Variants in SDK1 observed in about 807,000 individuals in gnomAD.
The protein encoded by SDK1 is sidekick cell adhesion molecule 1, also known as protein sidekick-1.
A neutral mutation model predicts 245.5 loss-of-function variants in SDK1; 157 were observed. The observed-to-expected ratio is 0.64, with a 90% confidence interval of 0.56 to 0.73. The LOEUF is 0.73. Among genes scored for constraint, SDK1 ranks in the 30% least tolerant of loss-of-function variants. SDK1 has a pLI of 0.00. For missense variants in SDK1, 3,583 were observed against 3,002.3 expected, an observed-to-expected ratio of 1.19 and a Z score of -4.52; for synonymous variants, 1,647 against 1,278.5, an observed-to-expected ratio of 1.29 and a Z score of -6.15.
At chr7:3,438,518 G>A (rs916579692) in intron 1 of SDK1, among the ~76,000 whole-genome samples, 10 of 152,176 alleles carry the variant, frequency 6.6e-5, no homozygotes, top group African/African-American at 1.9e-4. Flanking sequence ...GACACTGCCA[G>A]TCTCATGAAG....
At chr7:3,764,232 T>C (rs948130823) in intron 4 of SDK1, among the ~76,000 whole-genome samples, 3 of 152,256 alleles carry the variant, frequency 2.0e-5, no homozygotes, top group African/African-American at 7.2e-5. Flanking sequence ...TCCTAGGTTC[T>C]GTATTTAAGG....
chr7:3,622,998 CAT>C (rs1215383141), intron 2 of SDK1, among the ~76,000 whole-genome samples: 1 of 151,814 alleles, frequency 6.6e-6, no homozygotes. Flanking sequence ...GTTCATTTAT[CAT>C]ATGTTAGCCT....
intron 4 of SDK1, among the ~76,000 whole-genome samples, chr7:3,697,725 A>G (rs1397131357): frequency 2.0e-5 from 3 of 152,126 alleles, no homozygotes; most frequent in Non-Finnish European, 4.4e-5. Flanking sequence ...CTCCTACAGT[A>G]GGTTTTGCTG....
chr7:4,246,703 T>G (rs1047974314), intron 44 of SDK1, among the ~76,000 whole-genome samples: 3 of 152,074 alleles, frequency 2.0e-5, no homozygotes, highest in African/African-American at 7.2e-5. Context: ...GAATCCAGAC[T>G]TGGGATGTGT....
At chr7:4,158,062 A>G (rs184386880) in intron 30 of SDK1, among the ~76,000 whole-genome samples, 80 of 152,284 alleles carry the variant, frequency 5.3e-4, no homozygotes, top group African/African-American at 1.9e-3. Context: ...TGTGCCGACT[A>G]GAGTGCAGGG....
chr7:4,111,430 A>G (rs1783337162), intron 23 of SDK1, among the ~76,000 whole-genome samples: 1 of 152,216 alleles, frequency 6.6e-6, no homozygotes, highest in Non-Finnish European at 1.5e-5. Flanking sequence ...ATACGATTGG[A>G]GAATGAAAGA....
intron 1 of SDK1, among the ~76,000 whole-genome samples, chr7:3,435,877 G>T (rs374285262): frequency 2.0e-5 from 3 of 152,150 alleles, no homozygotes; most frequent in East Asian, 3.8e-4. Flanking sequence ...AACCTCTCCA[G>T]TGATCATTTG....
chr7:3,654,723 C>T (rs1783109992), intron 4 of SDK1, among the ~76,000 whole-genome samples: 2 of 152,168 alleles, frequency 1.3e-5, no homozygotes, highest in Admixed American at 1.3e-4. Flanking sequence ...AGCCCAAGAG[C>T]ATGGGGGATG....
At chr7:4,085,384 T>G (rs1487367682) in intron 22 of SDK1, among the ~76,000 whole-genome samples, 1 of 152,174 alleles carries the variant, frequency 6.6e-6, no homozygotes, top group Non-Finnish European at 1.5e-5. Context: ...TATAATATAT[T>G]TAGTTTATAC....
chr7:4,080,185 G>A (rs1428201305), intron 22 of SDK1, among the ~76,000 whole-genome samples: 1 of 152,132 alleles, frequency 6.6e-6, no homozygotes, highest in South Asian at 2.1e-4. Flanking sequence ...GGCAGGGAGT[G>A]AGTCTGGGGA....
At chr7:3,955,567 C>G (rs1781195336) in intron 7 of SDK1, among the ~76,000 whole-genome samples, 1 of 152,206 alleles carries the variant, frequency 6.6e-6, no homozygotes, top group South Asian at 2.1e-4. Context: ...CCTCGGTGGA[C>G]TAGCGTGCAG....
chr7:3,514,412 T>C (rs1479042861), intron 1 of SDK1, among the ~76,000 whole-genome samples: 1 of 152,220 alleles, frequency 6.6e-6, no homozygotes, highest in Admixed American at 6.5e-5. Context: ...ATTACTGTTT[T>C]TGATAGAAAA....
At chr7:3,989,936 G>A (rs968925152) in intron 14 of SDK1, among the ~76,000 whole-genome samples, 1 of 152,216 alleles carries the variant, frequency 6.6e-6, no homozygotes, top group African/African-American at 2.4e-5. Flanking sequence ...GGGTCACATG[G>A]CGATGGGAGG....
chr7:3,470,876 T>C (rs934046647), intron 1 of SDK1, among the ~76,000 whole-genome samples: 1 of 152,218 alleles, frequency 6.6e-6, no homozygotes, highest in Non-Finnish European at 1.5e-5. Flanking sequence ...CCTTGTATTA[T>C]GTGCTTAAGG....
At chr7:3,579,639 A>T (rs1180504546) in intron 1 of SDK1, among the ~76,000 whole-genome samples, 1 of 152,170 alleles carries the variant, frequency 6.6e-6, no homozygotes, top group Non-Finnish European at 1.5e-5. Context: ...TCTCTCACCA[A>T]TCCTATTCAA....
At chr7:3,312,733 C>T (rs955553186) in intron 1 of SDK1, among the ~76,000 whole-genome samples, 1 of 151,950 alleles carries the variant, frequency 6.6e-6, no homozygotes, top group Non-Finnish European at 1.5e-5. Flanking sequence ...TGAGTGGTTA[C>T]AATTCATGAA....
At chr7:4,129,818 C>T in intron 26 of SDK1, 90 bp from the exon 27 acceptor site, 1 of 1,571,666 alleles carries the variant, frequency 6.4e-7, no homozygotes, top group Non-Finnish European at 8.6e-7. Context: ...TTGGCTGGGC[C>T]TTGATTCACG....
chr7:3,576,991 A>G (rs1406938704), intron 1 of SDK1, among the ~76,000 whole-genome samples: 1 of 151,894 alleles, frequency 6.6e-6, no homozygotes, highest in Non-Finnish European at 1.5e-5. Flanking sequence ...CGGTGGATGG[A>G]CTTCCATCAT....
intron 1 of SDK1, among the ~76,000 whole-genome samples, chr7:3,550,047 G>T (rs1003752325): frequency 6.6e-6 from 1 of 151,998 alleles, no homozygotes; most frequent in Non-Finnish European, 1.5e-5. Flanking sequence ...AATGATATTT[G>T]TAAAATCAAT....
Sources: gnomAD v4.1 joint callset for allele counts (sites outside exome capture counted in the v4.1 genomes callset) on GRCh38, gnomAD v4.1.1 for gene constraint, MANE v1.5 for transcripts, NCBI Gene and HGNC (gene_info 2026-07-23, HGNC 2026-07-21) for gene names.